EPHB1: variants seen among roughly 807,000 people sequenced by gnomAD.
EPHB1 encodes the protein ephrin type-B receptor 1.
EPHB1 carries 30 observed loss-of-function variants against 94.4 expected under a neutral mutation model. The observed-to-expected ratio is 0.32, with a 90% confidence interval of 0.24 to 0.43. EPHB1 has a LOEUF of 0.43. Among genes scored for constraint, EPHB1 ranks in the 20% least tolerant of loss-of-function variants. The pLI is 1.00. For synonymous variants in EPHB1, 522 were observed against 489.1 expected, an observed-to-expected ratio of 1.07 and a Z score of -0.89; for missense variants, 1,055 against 1,308.3, an observed-to-expected ratio of 0.81 and a Z score of 2.99.
chr3:135,164,806 C>CAAAAAAAAA (rs59870139), intron 7 of EPHB1, among the ~76,000 whole-genome samples: 1 of 86,408 alleles, frequency 1.2e-5, no homozygotes, highest in Non-Finnish European at 2.2e-5. Flanking sequence ...AAGACTGTCT[C>CAAAAAAAAA]AAAAAAAAAA....
intron 4 of EPHB1, among the ~76,000 whole-genome samples, chr3:135,125,644 A>G (rs1016411041): frequency 6.6e-6 from 1 of 152,228 alleles, no homozygotes; most frequent in African/African-American, 2.4e-5. Flanking sequence ...ATAACCATTT[A>G]TCAAGAAGAA....
chr3:134,810,867 T>C (rs779406271), intron 1 of EPHB1, among the ~76,000 whole-genome samples: 2 of 152,156 alleles, frequency 1.3e-5, no homozygotes, highest in Non-Finnish European at 2.9e-5. Flanking sequence ...TCTCTCTCTA[T>C]ATATTTAGCC....
intron 5 of EPHB1, among the ~76,000 whole-genome samples, chr3:135,143,957 C>T (rs1398221820): frequency 6.6e-6 from 1 of 152,212 alleles, no homozygotes; most frequent in African/African-American, 2.4e-5. Flanking sequence ...AGCCTGCCTC[C>T]TCCTCCAGGC....
At chr3:135,073,907 T>C (rs1185037854) in intron 3 of EPHB1, among the ~76,000 whole-genome samples, 4 of 152,156 alleles carry the variant, frequency 2.6e-5, no homozygotes, top group Admixed American at 6.5e-5. Flanking sequence ...TTTCTGTAAA[T>C]GGGAAGTAAA....
chr3:135,247,872 T>C (rs1943966099), intron 13 of EPHB1, among the ~76,000 whole-genome samples: 1 of 152,146 alleles, frequency 6.6e-6, no homozygotes, highest in Non-Finnish European at 1.5e-5. Context: ...AAAGAATGAG[T>C]CCACCACAAG....
At chr3:134,993,917 A>G (rs1033994458) in intron 3 of EPHB1, among the ~76,000 whole-genome samples, 1 of 152,182 alleles carries the variant, frequency 6.6e-6, no homozygotes, top group Non-Finnish European at 1.5e-5. Context: ...GGGCTGTCAT[A>G]CAAGCTGTTG....
At chr3:134,829,985 A>G (rs1462700673) in intron 1 of EPHB1, among the ~76,000 whole-genome samples, 1 of 152,096 alleles carries the variant, frequency 6.6e-6, no homozygotes, top group Non-Finnish European at 1.5e-5. Context: ...CCCTGCCAAC[A>G]CCGTGATTTC....
intron 1 of EPHB1, among the ~76,000 whole-genome samples, chr3:134,819,755 G>C (rs2108289410): frequency 6.6e-6 from 1 of 152,262 alleles, no homozygotes; most frequent in Middle Eastern, 3.4e-3. Flanking sequence ...TGGATCTTGT[G>C]TTCCCACAGC....
chr3:135,176,618 G>A (rs553907075), intron 9 of EPHB1, among the ~76,000 whole-genome samples: 24 of 152,308 alleles, frequency 1.6e-4, no homozygotes. Context: ...TCACAGTGCA[G>A]ACTTTGTTCC....
rs558590273 is a variant in EPHB1, at chr3:135,015,923, A to T, written c.805+63871A>T. The stretch of plus-strand genomic sequence containing the variant: ...AGGACAAAGGCCCTGAGGTGGGAAG[A>T]TCTTGGCAGTGTCAAGGACCAGATA... On this transcript the variant is annotated intron_variant, in intron 3 of 15. Transcript: ENST00000398015. 9.6e-4 allele frequency among the ~76,000 whole-genome samples: 146 copies of T among 152,332 alleles called. 1 individual carries two copies. The highest frequency in any genetic ancestry group is 3.4e-3 in the African/African-American group (141 of 41,574).
At chr3:135,053,224 T>G (rs967677837) in intron 3 of EPHB1, among the ~76,000 whole-genome samples, 7 of 151,494 alleles carry the variant, frequency 4.6e-5, no homozygotes, top group Non-Finnish European at 1.0e-4. Flanking sequence ...TGATAAATAC[T>G]CAAGGTGATG....
intron 1 of EPHB1, among the ~76,000 whole-genome samples, chr3:134,859,244 T>A (rs575638891): frequency 6.6e-6 from 1 of 152,326 alleles, no homozygotes; most frequent in East Asian, 1.9e-4. Flanking sequence ...TTGCACCTCC[T>A]TCGATCTCAT....
chr3:135,258,131 G>C lies in EPHB1; in HGVS notation c.2847-881G>C, dbSNP rs558848874. Among the ~76,000 whole-genome samples the C allele has an allele frequency of 1.6e-3, 250 of 152,246 alleles. 1 individual carries two copies. The highest frequency in any genetic ancestry group is 3.1e-3 in the South Asian group (15 of 4,812). On this transcript the variant is annotated intron_variant, in intron 15 of 15. Transcript: ENST00000398015. ...TGGCACTCCCTAGTGAGATGAACCC[G>C]GTACCTCAGATGGAAATGCAGAAAT... is the stretch of plus-strand genomic sequence containing the variant.
At position 134,951,237 on chromosome 3, in the gene EPHB1, C is replaced by G; in HGVS notation, c.124-134C>G. ...GTTGCGCTTAGATGTGTTCATTTCT[C>G]AAGTCAATCTGCTGGACTGGTGAGC... On this transcript the variant is annotated intron_variant, in intron 2 of 15. Transcript: ENST00000398015. The surrounding 1 kb of genome is among the most constrained non-coding windows in gnomAD (Gnocchi z 4.5). 1 of 709,066 alleles carries G rather than the reference C, an allele frequency of 1.4e-6. No individual in the cohort carries two copies. The allele number at this position is 709,066 out of a possible 1,614,324, so 43.9% of individuals were successfully genotyped here.
chr3:135,072,639 A>C (rs1367009533), intron 3 of EPHB1, among the ~76,000 whole-genome samples: 1 of 152,074 alleles, frequency 6.6e-6, no homozygotes, highest in African/African-American at 2.4e-5. Flanking sequence ...GCCTTTGCAC[A>C]TGTCACTTCC....
At chr3:134,971,140 C>T (rs1933956188) in intron 3 of EPHB1, among the ~76,000 whole-genome samples, 2 of 152,168 alleles carry the variant, frequency 1.3e-5, no homozygotes, top group African/African-American at 4.8e-5. Flanking sequence ...AACAGTGCTT[C>T]AACTCCAACA....
At chr3:134,888,700 C>G (rs1255455556) in intron 1 of EPHB1, among the ~76,000 whole-genome samples, 3 of 129,254 alleles carry the variant, frequency 2.3e-5, no homozygotes, top group Non-Finnish European at 3.4e-5. Context: ...GAGTGAGACT[C>G]CATCTCAAAA....
At chr3:135,075,143 C>A (rs1336052028) in intron 3 of EPHB1, among the ~76,000 whole-genome samples, 2 of 152,150 alleles carry the variant, frequency 1.3e-5, no homozygotes. Flanking sequence ...AGCCTTTAAG[C>A]AGGTTGATTG....
intron 12 of EPHB1, among the ~76,000 whole-genome samples, 193 bp from the exon 13 acceptor site, chr3:135,240,955 A>G (rs1943768233): frequency 6.6e-6 from 1 of 152,118 alleles, no homozygotes; most frequent in Non-Finnish European, 1.5e-5. Context: ...CAGCACAGGC[A>G]TGCTGGTCAC....
Sources: gnomAD v4.1 joint callset for allele counts (sites outside exome capture counted in the v4.1 genomes callset) on GRCh38, gnomAD v4.1.1 for gene constraint, Gnocchi (gnomAD v3.1) non-coding constraint, MANE v1.5 for transcripts, NCBI Gene and HGNC (gene_info 2026-07-23, HGNC 2026-07-21) for gene names.